PPP2R5E: variants seen among roughly 807,000 people sequenced by gnomAD.
The protein encoded by PPP2R5E is protein phosphatase 2 regulatory subunit B'epsilon, also known as serine/threonine-protein phosphatase 2A 56 kDa regulatory subunit epsilon isoform.
Under a neutral mutation model 65.3 loss-of-function variants are expected in PPP2R5E, and 4 were observed. That is an observed-to-expected ratio of 0.06 (90% CI 0.03 to 0.14). PPP2R5E has a LOEUF of 0.14. Ranked by LOEUF, PPP2R5E falls within the 10% of genes least tolerant of loss-of-function variation. The pLI is 1.00. For synonymous variants in PPP2R5E, 183 were observed against 187.4 expected (o/e 0.98, Z 0.19); for missense variants, 274 against 556.1 (o/e 0.49, Z 5.10).
chr14:63,513,294 T>A (rs1892536734), intron 2 of PPP2R5E, among the ~76,000 whole-genome samples: 1 of 152,120 alleles, frequency 6.6e-6, no homozygotes, highest in Non-Finnish European at 1.5e-5. Context: ...TGCATCGCCC[T>A]CAAGTAAAAA....
At chr14:63,514,149 G>A (rs909234674) in intron 2 of PPP2R5E, among the ~76,000 whole-genome samples, 1 of 152,052 alleles carries the variant, frequency 6.6e-6, no homozygotes, top group East Asian at 1.9e-4. Context: ...TACTATTTCC[G>A]CTCTCCAAAT....
rs527260544 is a variant in PPP2R5E, at chr14:63,493,065, T to C, written c.158-39180A>G. On this transcript the variant is annotated intron_variant, in intron 2 of 13. Coordinates refer to ENST00000337537, the MANE Select transcript of PPP2R5E (RefSeq NM_006246.5). ...GGAATTCTGATCTACTAAAGGTGAG[T>C]GTGGCACGCAGCCATAAGAAATGGG... Among the ~76,000 whole-genome samples, 8 of 152,082 alleles carry C rather than the reference T, an allele frequency of 5.3e-5. No homozygotes were observed. In the South Asian group the frequency reaches 1.4e-3, roughly 28 times the overall value.
intron 2 of PPP2R5E, among the ~76,000 whole-genome samples, chr14:63,471,419 T>C (rs1426483777): frequency 6.6e-6 from 1 of 152,204 alleles, no homozygotes; most frequent in Non-Finnish European, 1.5e-5. Flanking sequence ...GGTCAGGTAT[T>C]AGAAAAAGAT....
chr14:63,401,673 G>A (rs983912337), intron 5 of PPP2R5E, among the ~76,000 whole-genome samples: 4 of 152,160 alleles, frequency 2.6e-5, no homozygotes, highest in Non-Finnish European at 5.9e-5. Context: ...TAAAATGACA[G>A]TGAAAGAATA....
chr14:63,399,061 G>A (rs1245776183), intron 5 of PPP2R5E, among the ~76,000 whole-genome samples: 1 of 152,070 alleles, frequency 6.6e-6, no homozygotes, highest in Non-Finnish European at 1.5e-5. Flanking sequence ...ACAAAAACTT[G>A]TACACAGATG....
chr14:63,414,621 T>C (rs1010097403), intron 5 of PPP2R5E, among the ~76,000 whole-genome samples: 14 of 152,214 alleles, frequency 9.2e-5, no homozygotes, highest in Non-Finnish European at 1.3e-4. Flanking sequence ...ATGTTCCAAA[T>C]GGAGACATGA....
At chr14:63,505,987 GTTTC>G (rs1892152992) in intron 2 of PPP2R5E, among the ~76,000 whole-genome samples, 1 of 152,078 alleles carries the variant, frequency 6.6e-6, no homozygotes, top group Non-Finnish European at 1.5e-5. Flanking sequence ...AAAAGGTAGT[GTTTC>G]TTTCATTCAT....
At chr14:63,529,830 G>A (rs1270645711) in intron 2 of PPP2R5E, among the ~76,000 whole-genome samples, 3 of 152,116 alleles carry the variant, frequency 2.0e-5, no homozygotes, top group African/African-American at 7.2e-5. Context: ...ATATTTATAT[G>A]CCCTGTCTTG....
intron 2 of PPP2R5E, among the ~76,000 whole-genome samples, chr14:63,531,302 C>T (rs1174407299): frequency 2.6e-5 from 4 of 151,562 alleles, no homozygotes; most frequent in Non-Finnish European, 5.9e-5. Flanking sequence ...GACCCCACAA[C>T]AGTCCCTGGT....
At chr14:63,529,677 G>A (rs569592266) in intron 2 of PPP2R5E, among the ~76,000 whole-genome samples, 15 of 152,004 alleles carry the variant, frequency 9.9e-5, no homozygotes, top group East Asian at 7.7e-4. Flanking sequence ...GTGCCCAGCC[G>A]AAAGACTGTT....
chr14:63,499,660 G>A (rs1477913637), intron 2 of PPP2R5E, among the ~76,000 whole-genome samples: 2 of 152,060 alleles, frequency 1.3e-5, no homozygotes, highest in African/African-American at 4.8e-5. Context: ...CTGGGAGGCA[G>A]AGGTTGTACT....
At chr14:63,389,897 A>G (rs1039664012) in intron 10 of PPP2R5E, among the ~76,000 whole-genome samples, 166 bp from the exon 11 acceptor site, 2 of 152,194 alleles carry the variant, frequency 1.3e-5, no homozygotes, top group African/African-American at 2.4e-5. Context: ...TCGTTCCACA[A>G]AGAATTCACC....
chr14:63,491,517 A>G (rs1301470685), intron 2 of PPP2R5E, among the ~76,000 whole-genome samples: 1 of 152,152 alleles, frequency 6.6e-6, no homozygotes, highest in African/African-American at 2.4e-5. Context: ...AAATGATAAT[A>G]TTTTAGATAT....
chr14:63,398,440 A>G (rs1885535316), intron 5 of PPP2R5E, among the ~76,000 whole-genome samples: 1 of 152,258 alleles, frequency 6.6e-6, no homozygotes, highest in Non-Finnish European at 1.5e-5. Context: ...CCTCACATTT[A>G]TGGTCAACTG....
intron 2 of PPP2R5E, among the ~76,000 whole-genome samples, chr14:63,519,971 A>T (rs1174265409): frequency 2.1e-5 from 3 of 143,284 alleles, no homozygotes; most frequent in Non-Finnish European, 4.6e-5. Context: ...CTACGGACAA[A>T]CTCTTAATTC....
chr14:63,466,985 G>A (rs1889847992), intron 2 of PPP2R5E, among the ~76,000 whole-genome samples: 1 of 152,106 alleles, frequency 6.6e-6, no homozygotes, highest in South Asian at 2.1e-4. Flanking sequence ...CCAGCACTTT[G>A]GGAGGCCAAG....
chr14:63,468,386 C>T (rs914208244), intron 2 of PPP2R5E, among the ~76,000 whole-genome samples: 1 of 152,092 alleles, frequency 6.6e-6, no homozygotes, highest in African/African-American at 2.4e-5. Flanking sequence ...ATATAATACC[C>T]AGTGAAATAA....
chr14:63,438,824 A>C (rs1392749361), intron 3 of PPP2R5E, among the ~76,000 whole-genome samples: 2 of 152,176 alleles, frequency 1.3e-5, no homozygotes, highest in African/African-American at 4.8e-5. Flanking sequence ...CAGATTCCTT[A>C]AGAGAGAATG....
intron 2 of PPP2R5E, among the ~76,000 whole-genome samples, chr14:63,492,135 C>T (rs1349952459): frequency 6.6e-6 from 1 of 152,076 alleles, no homozygotes; most frequent in Non-Finnish European, 1.5e-5. Context: ...CAGCTTACTA[C>T]CTCTGAACAA....
Sources: gnomAD v4.1 joint callset for allele counts (sites outside exome capture counted in the v4.1 genomes callset) on GRCh38, gnomAD v4.1.1 for gene constraint, MANE v1.5 for transcripts, NCBI Gene and HGNC (gene_info 2026-07-23, HGNC 2026-07-21) for gene names.